The following ABTB3 variants were observed in gnomAD, a reference collection of about 807,000 sequenced individuals.
The protein encoded by ABTB3 is ankyrin repeat- and BTB/POZ domain-containing protein 3.
chr12:107,543,899 T>C, the ABTB3 span: 1 of 1,574,734 alleles, frequency 6.4e-7, no homozygotes, highest in Non-Finnish European at 8.7e-7. Context: ...CAATGTTGGC[T>C]TCCTGGAGGA....
chr12:107,515,092 A>G, the ABTB3 span, among the ~76,000 whole-genome samples: 1 of 152,200 alleles, frequency 6.6e-6, no homozygotes, highest in Admixed American at 6.5e-5. Flanking sequence ...ATTTCACAGA[A>G]GAGGAAACTG....
At chr12:107,646,386 G>A in the ABTB3 span, among the ~76,000 whole-genome samples, 3 of 152,212 alleles carry the variant, frequency 2.0e-5, no homozygotes, top group African/African-American at 7.2e-5. Context: ...CCACGTGCTA[G>A]AGAAATGCTT....
At chr12:107,633,314 C>T in the ABTB3 span, among the ~76,000 whole-genome samples, 30 of 152,266 alleles carry the variant, frequency 2.0e-4, no homozygotes, top group African/African-American at 5.8e-4. Context: ...TCTGCGGGCA[C>T]GCTGATCTTA....
At chr12:107,442,042 A>C in the ABTB3 span, among the ~76,000 whole-genome samples, 20 of 152,318 alleles carry the variant, frequency 1.3e-4, no homozygotes, top group African/African-American at 4.3e-4. Context: ...ACGCGATTTT[A>C]GTAAGTCTGG....
chr12:107,390,525 A>T, the ABTB3 span, among the ~76,000 whole-genome samples: 1 of 152,226 alleles, frequency 6.6e-6, no homozygotes, highest in Non-Finnish European at 1.5e-5. Flanking sequence ...TCACTGAATT[A>T]TTAGGATGTA....
chr12:107,330,590 G>C, the ABTB3 span, among the ~76,000 whole-genome samples: 2 of 152,206 alleles, frequency 1.3e-5, no homozygotes, highest in Admixed American at 6.5e-5. Context: ...CTGAGGCCCA[G>C]AGTGGGCTAC....
chr12:107,501,349 A>G, the ABTB3 span, among the ~76,000 whole-genome samples: 2 of 151,606 alleles, frequency 1.3e-5, no homozygotes, highest in Non-Finnish European at 2.9e-5. Flanking sequence ...AGTGGCATTC[A>G]AGTTGTGCCT....
At chr12:107,461,362 GAC>G in the ABTB3 span, among the ~76,000 whole-genome samples, 1 of 152,144 alleles carries the variant, frequency 6.6e-6, no homozygotes, top group South Asian at 2.1e-4. Flanking sequence ...GACACACAGA[GAC>G]ACAGACACAG....
chr12:107,452,399 G>A, the ABTB3 span, among the ~76,000 whole-genome samples: 1 of 151,668 alleles, frequency 6.6e-6, no homozygotes, highest in African/African-American at 2.4e-5. Flanking sequence ...GTAGAGACGG[G>A]GTTTCACTGT....
At chr12:107,447,985 G>A in the ABTB3 span, among the ~76,000 whole-genome samples, 1 of 152,154 alleles carries the variant, frequency 6.6e-6, no homozygotes, top group African/African-American at 2.4e-5. Flanking sequence ...AGTTGCATGG[G>A]CTGAGATGCT....
At chr12:107,654,906 A>T in the ABTB3 span, among the ~76,000 whole-genome samples, 1 of 150,250 alleles carries the variant, frequency 6.7e-6, no homozygotes, top group Non-Finnish European at 1.5e-5. Context: ...GTTTCTCAGG[A>T]CACAAGCATT....
At chr12:107,527,948 T>C in the ABTB3 span, among the ~76,000 whole-genome samples, 1 of 152,220 alleles carries the variant, frequency 6.6e-6, no homozygotes, top group African/African-American at 2.4e-5. Context: ...ATCACTCTGA[T>C]TTCCAGTTTT....
At chr12:107,567,911 G>A in the ABTB3 span, among the ~76,000 whole-genome samples, 3 of 152,166 alleles carry the variant, frequency 2.0e-5, no homozygotes, top group East Asian at 1.9e-4. Flanking sequence ...GATTGGGGAC[G>A]GTTGGGCTAT....
At chr12:107,507,048 A>G in the ABTB3 span, among the ~76,000 whole-genome samples, 2 of 152,212 alleles carry the variant, frequency 1.3e-5, no homozygotes, top group African/African-American at 4.8e-5. Context: ...GTTTAAAATG[A>G]ATGTTCAAGA....
At chr12:107,508,727 C>T in the ABTB3 span, among the ~76,000 whole-genome samples, 1 of 152,034 alleles carries the variant, frequency 6.6e-6, no homozygotes. Context: ...GGATTACAGG[C>T]GTGAGCCACC....
At chr12:107,404,780 G>A in the ABTB3 span, among the ~76,000 whole-genome samples, 24,702 of 151,960 alleles carry the variant, frequency 0.16, 3,931 homozygotes, top group East Asian at 0.42. Context: ...TGGCTGAGGC[G>A]GCCCCAATCA....
the ABTB3 span, among the ~76,000 whole-genome samples, chr12:107,412,727 A>G: frequency 2.6e-5 from 4 of 152,020 alleles, no homozygotes; most frequent in African/African-American, 9.7e-5. Context: ...GAGGAAGGTA[A>G]GAAACCACTG....
the ABTB3 span, among the ~76,000 whole-genome samples, chr12:107,404,028 T>C: frequency 1.3e-5 from 2 of 151,778 alleles, no homozygotes; most frequent in Admixed American, 1.3e-4. Context: ...CTGGACGTAG[T>C]GGCAGGCCCC....
the ABTB3 span, among the ~76,000 whole-genome samples, chr12:107,351,860 C>G: frequency 3.3e-5 from 5 of 152,230 alleles, no homozygotes; most frequent in African/African-American, 1.2e-4. Context: ...TGACCTGAGG[C>G]AAATCATGGG....
Sources: gnomAD v4.1 joint callset for allele counts (sites outside exome capture counted in the v4.1 genomes callset) on GRCh38, gnomAD v4.1.1 for gene constraint, MANE v1.5 for transcripts, NCBI Gene and HGNC (gene_info 2026-07-23, HGNC 2026-07-21) for gene names.